The following FMNL3 variants were observed in gnomAD, a reference collection of about 807,000 sequenced individuals.
The protein encoded by FMNL3 is formin like 3.
A neutral mutation model predicts 119.6 loss-of-function variants in FMNL3; 57 were observed. The ratio of observed to expected loss-of-function variants is 0.48; its 90% CI spans 0.39 to 0.59. FMNL3 has a LOEUF of 0.59. FMNL3 is among the 20% of genes least tolerant of loss of function. The pLI is 0.00. For missense variants in FMNL3, 1,053 were observed against 1,323.5 expected (o/e 0.80, Z 3.17); for synonymous variants, 491 against 507.3 (o/e 0.97, Z 0.43).
chr12:49,664,889 G>A (rs1432999634), intron 4 of FMNL3, among the ~76,000 whole-genome samples: 1 of 152,076 alleles, frequency 6.6e-6, no homozygotes, highest in African/African-American at 2.4e-5. Flanking sequence ...GATGTCATTT[G>A]GCTGTCTCTA....
intron 1 of FMNL3, among the ~76,000 whole-genome samples, chr12:49,693,790 A>G (rs1322020552): frequency 6.6e-6 from 1 of 151,184 alleles, no homozygotes; most frequent in East Asian, 1.9e-4. Flanking sequence ...CTGGGATTAC[A>G]GGCACGCACC....
At chr12:49,694,476 G>A (rs969884520) in intron 1 of FMNL3, among the ~76,000 whole-genome samples, 2 of 152,108 alleles carry the variant, frequency 1.3e-5, no homozygotes, top group African/African-American at 4.8e-5. Context: ...AAGGTGAGGT[G>A]GGGGAGTTAG....
chr12:49,651,298 T>G lies in FMNL3; in HGVS notation c.1673-6A>C, dbSNP rs771416514. 5 of 1,610,740 alleles carry G rather than the reference T, an allele frequency of 3.1e-6. No individual in the cohort carries two copies. The highest frequency in any genetic ancestry group is 4.2e-6 in the Non-Finnish European group (5 of 1,177,202). ...AGGTTTCTTAATTCGAATGGCTAAT[T>G]TGGAAGGAGGATCAGTGACACAGGG... is the stretch of plus-strand genomic sequence containing the variant. On this transcript the variant is annotated splice_polypyrimidine_tract_variant and splice_region_variant and intron_variant, in intron 15 of 25. Coordinates refer to ENST00000335154, the MANE Select transcript of FMNL3 (RefSeq NM_175736.5).
chr12:49,678,682 C>T (rs1174835795), intron 1 of FMNL3, among the ~76,000 whole-genome samples: 2 of 152,060 alleles, frequency 1.3e-5, no homozygotes, highest in African/African-American at 4.8e-5. Context: ...AGGCTGGTCT[C>T]GAACTCCTGG....
intron 17 of FMNL3, 116 bp from the exon 18 acceptor site, chr12:49,650,041 C>A: frequency 3.7e-6 from 3 of 810,234 alleles, no homozygotes; most frequent in Non-Finnish European, 3.9e-6. Flanking sequence ...GGAACACAGC[C>A]AAAGGCAAAG....
rs762546053 is a variant in FMNL3, at chr12:49,637,422, T to A, written c.*8393A>T. The stretch of plus-strand genomic sequence containing the variant: ...CCTCTCTTCCCCCTCAGTCTGTGGC[T>A]CTGCCTCCCTGTCTCACTCTCCCTA... On this transcript the variant is annotated 3_prime_UTR_variant, in exon 26 of 26. Transcript: ENST00000335154. 1.5e-6 allele frequency: 2 copies of A among 1,349,652 alleles called. No individual in the cohort carries two copies. The highest frequency in any genetic ancestry group is 2.4e-5 in the South Asian group (2 of 84,974). 83.6% of individuals were successfully genotyped at this position (1,349,652 alleles called of 1,614,324 possible).
At chr12:49,691,850 A>AC (rs1944611372) in intron 1 of FMNL3, among the ~76,000 whole-genome samples, 1 of 152,008 alleles carries the variant, frequency 6.6e-6, no homozygotes, top group African/African-American at 2.4e-5. Flanking sequence ...CCTGGCCAAC[A>AC]TGGTGAAACC....
At chr12:49,659,962 G>A in intron 5 of FMNL3, 1 of 985,410 alleles carries the variant, frequency 1.0e-6, no homozygotes, top group Non-Finnish European at 1.2e-6. Flanking sequence ...AGGCTTTCTG[G>A]AATAGGAAGG....
intron 1 of FMNL3, among the ~76,000 whole-genome samples, chr12:49,686,068 AAAAT>A (rs1944450516): frequency 6.6e-6 from 1 of 152,142 alleles, no homozygotes; most frequent in South Asian, 2.1e-4. Context: ...CTCGGTCTCA[AAAAT>A]AAATAAATAA....
rs1460750146 is a variant in FMNL3 at position 49,637,859 on chromosome 12, T to C, written c.*7956A>G. 1 of 1,527,100 alleles carries C rather than the reference T, an allele frequency of 6.5e-7. No individual in the cohort carries two copies. Among genetic ancestry groups the C allele is most frequent in the East Asian group, 2.3e-5 (1 of 44,432 alleles). 94.6% of individuals were successfully genotyped at this position (1,527,100 alleles called of 1,614,324 possible). On this transcript the variant is annotated 3_prime_UTR_variant, in exon 26 of 26. Coordinates refer to ENST00000335154, the MANE Select transcript of FMNL3 (RefSeq NM_175736.5). ...GCTGGGGTTATGGATGGATACAGGA[T>C]GGATGCAGGGCACACTCCCTGCAGA... is the stretch of plus-strand genomic sequence containing the variant.
At position 49,647,321 on chromosome 12, in the gene FMNL3, C is replaced by A. The variant is rs1943235386; in HGVS notation, c.2826G>T (p.Met942Ile). 6.2e-7 allele frequency: 1 copy of A among 1,613,874 alleles called. No homozygotes were observed. Among genetic ancestry groups the A allele is most frequent in the African/African-American group, 1.3e-5 (1 of 74,932 alleles). The change falls in exon 24 of 26, where the codon ATG (methionine) becomes ATT (isoleucine). Residue 942 changes from methionine (M) to isoleucine (I), a missense_variant. Around this residue, in one of 4 missense-constraint regions of FMNL3, gnomAD observed 324 missense variants for 380.9 expected, o/e 0.85. Coordinates refer to ENST00000335154, the MANE Select transcript of FMNL3 (RefSeq NM_175736.5). The surrounding 1 kb of genome is among the most constrained non-coding windows in gnomAD (Gnocchi z 4.9). ...CTTCCTGAGCCAGCTGCTTCTCCCG[C>A]ATTACCTCCTCCTGCTTCTTGCGGG... ...NEARKKQEEV[M>I]REKQLAQEAK...
chr12:49,679,239 G>A (rs1006838928), intron 1 of FMNL3, among the ~76,000 whole-genome samples: 11 of 152,138 alleles, frequency 7.2e-5, no homozygotes, highest in Non-Finnish European at 1.6e-4. Context: ...GCAAGCATAC[G>A]GTGGATCTGG....
chr12:49,636,711 T>G lies in FMNL3; in HGVS notation c.*9104A>C, dbSNP rs769423273. On this transcript the variant is annotated 3_prime_UTR_variant, in exon 26 of 26. Coordinates refer to ENST00000335154, the MANE Select transcript of FMNL3 (RefSeq NM_175736.5). ...ATGCCCGCGGAACCTCCTGCCTGTC[T>G]TTAGACATGGACAAGGAAGATGCAC... 1 of 1,613,916 alleles carries G rather than the reference T, an allele frequency of 6.2e-7. No homozygotes were observed. The highest frequency in any genetic ancestry group is 8.5e-7 in the Non-Finnish European group (1 of 1,179,926).
At chr12:49,661,453 C>T (rs1419277828) in intron 5 of FMNL3, among the ~76,000 whole-genome samples, 2 of 152,068 alleles carry the variant, frequency 1.3e-5, no homozygotes, top group Non-Finnish European at 2.9e-5. Flanking sequence ...TGGCTGCCTC[C>T]AAGCCCCCCT....
chr12:49,649,607 G>A lies in FMNL3; in HGVS notation c.2236-69C>T. 1 of 1,611,592 alleles carries A rather than the reference G, an allele frequency of 6.2e-7. No individual in the cohort carries two copies. Among genetic ancestry groups the A allele is most frequent in the Non-Finnish European group, 8.5e-7 (1 of 1,177,762 alleles). ...GGGTAAAGACAGGGAGGGGTCAGAA[G>A]GACTGGAAGGGCAGGGGAGGTGACT... On this transcript the variant is annotated intron_variant, in intron 18 of 25. Transcript: ENST00000335154. This position sits in a 1 kb window ranked among gnomAD's most constrained non-coding sequence, Gnocchi z 5.6.
chr12:49,702,219 C>T (rs1944928414), intron 1 of FMNL3, among the ~76,000 whole-genome samples: 1 of 152,182 alleles, frequency 6.6e-6, no homozygotes, highest in Non-Finnish European at 1.5e-5. Context: ...AGGAGGATCA[C>T]TCAAGCCTGG....
chr12:49,694,324 T>A (rs1350229731), intron 1 of FMNL3, among the ~76,000 whole-genome samples: 1 of 152,206 alleles, frequency 6.6e-6, no homozygotes, highest in Non-Finnish European at 1.5e-5. Flanking sequence ...AGTAGATGAA[T>A]GGGAGAGCAG....
rs900359646 is a variant in FMNL3, at chr12:49,638,623, C to T, written c.*7192G>A. On this transcript the variant is annotated 3_prime_UTR_variant, in exon 26 of 26. Coordinates refer to ENST00000335154, the MANE Select transcript of FMNL3 (RefSeq NM_175736.5). ...TGTTCCAAAAGAAAAAAACAAAGAG[C>T]ATATTTCTTTATGGAAGTGAAGATT... is the stretch of plus-strand genomic sequence containing the variant. The T allele has an allele frequency of 1.3e-5, 2 of 152,174 alleles. No individual in the cohort carries two copies. The highest frequency in any genetic ancestry group is 4.8e-5 in the African/African-American group (2 of 41,436). The allele number at this position is 152,174 out of a possible 1,614,324, so 9.4% of individuals were successfully genotyped here.
chr12:49,681,337 G>C (rs1039215072), intron 1 of FMNL3, among the ~76,000 whole-genome samples: 1 of 152,088 alleles, frequency 6.6e-6, no homozygotes, highest in African/African-American at 2.4e-5. Flanking sequence ...GAGTAGCTGG[G>C]ACTACAGATG....
Sources: gnomAD v4.1 joint callset for allele counts (sites outside exome capture counted in the v4.1 genomes callset) on GRCh38, gnomAD v4.1.1 for gene constraint, gnomAD v4.1.1 regional missense constraint, Gnocchi (gnomAD v3.1) non-coding constraint, MANE v1.5 for transcripts, NCBI Gene and HGNC (gene_info 2026-07-23, HGNC 2026-07-21) for gene names.